STXBP4: variants seen among roughly 807,000 people sequenced by gnomAD.
STXBP4 encodes syntaxin binding protein 4, also known as syntaxin-binding protein 4.
Under a neutral mutation model 76.1 loss-of-function variants are expected in STXBP4, and 55 were observed. The observed-to-expected ratio is 0.72, with a 90% confidence interval of 0.58 to 0.91. The LOEUF (loss-of-function observed/expected upper bound fraction) is 0.91. STXBP4 is among the 40% of genes least tolerant of loss of function. The pLI is 0.00. For missense variants in STXBP4, 618 were observed against 636.9 expected (o/e 0.97, Z 0.32); for synonymous variants, 201 against 220.2 (o/e 0.91, Z 0.77).
chr17:55,093,567 C>T (rs1414231480), intron 16 of STXBP4, among the ~76,000 whole-genome samples: 4 of 152,148 alleles, frequency 2.6e-5, no homozygotes, highest in African/African-American at 4.8e-5. Context: ...AAGGAAATGG[C>T]GAACTCACAT....
intron 12 of STXBP4, 90 bp downstream of exon 12, chr17:55,047,244 A>G (rs759945582): frequency 9.0e-5 from 67 of 742,756 alleles, no homozygotes; most frequent in Non-Finnish European, 1.2e-4. Flanking sequence ...ATTATAAAGC[A>G]GTGGTTCTTT....
intron 10 of STXBP4, among the ~76,000 whole-genome samples, chr17:55,037,717 C>T (rs1055956859): frequency 2.6e-5 from 4 of 152,080 alleles, no homozygotes; most frequent in Admixed American, 2.0e-4. Context: ...ACCATACTCA[C>T]GTATATAACT....
At chr17:55,135,314 A>G (rs1376964065) in intron 16 of STXBP4, among the ~76,000 whole-genome samples, 3 of 152,122 alleles carry the variant, frequency 2.0e-5, no homozygotes, top group Admixed American at 6.6e-5. Flanking sequence ...TTAACTTTTA[A>G]ATTTGGGATG....
intron 10 of STXBP4, 115 bp from the exon 11 acceptor site, chr17:55,043,121 C>G (rs1054394501): frequency 2.5e-5 from 11 of 446,066 alleles, no homozygotes; most frequent in Non-Finnish European, 4.2e-5. Context: ...ACATAAGAAA[C>G]TGAATTTTGT....
chr17:55,121,920 TC>T (rs2079848158), intron 16 of STXBP4, among the ~76,000 whole-genome samples: 1 of 152,084 alleles, frequency 6.6e-6, no homozygotes, highest in Admixed American at 6.5e-5. Context: ...TGTGTAGGGA[TC>T]AGCCACTTAA....
chr17:55,109,624 C>CTTTTT (rs551292679), intron 16 of STXBP4, among the ~76,000 whole-genome samples: 4 of 114,368 alleles, frequency 3.5e-5, no homozygotes, highest in East Asian at 2.5e-4. Context: ...AACTCAATGT[C>CTTTTT]TTTTTTTTTT....
chr17:55,186,653 A>G, the STXBP4 span, among the ~76,000 whole-genome samples: 1 of 152,226 alleles, frequency 6.6e-6, no homozygotes, highest in Non-Finnish European at 1.5e-5. Flanking sequence ...ATAAAATGAC[A>G]AAATCATTTT....
At chr17:55,057,017 C>T (rs2078932875) in intron 12 of STXBP4, among the ~76,000 whole-genome samples, 1 of 152,048 alleles carries the variant, frequency 6.6e-6, no homozygotes, top group African/African-American at 2.4e-5. Context: ...TAGGTAAAGT[C>T]ATTATTTTTT....
rs1415343121 is a variant in STXBP4 at position 55,109,644 on chromosome 17, TTTTA to T, written c.1489+28463_1489+28466del. On this transcript the variant is annotated intron_variant, in intron 16 of 17. Transcript: ENST00000376352. ...AATGTCTTTTTTTTTTTTTTTTTTT[TTTTA>T]TATGGAGTTTCACTCTTGTTGCCCA... Among the ~76,000 whole-genome samples the T allele has an allele frequency of 2.8e-3, 420 of 149,814 alleles. 5 individuals are homozygous for T. The highest frequency in any genetic ancestry group is 0.023 in the East Asian group (116 of 5,126).
intron 16 of STXBP4, among the ~76,000 whole-genome samples, chr17:55,085,305 A>G (rs893586243): frequency 6.6e-6 from 1 of 152,156 alleles, no homozygotes; most frequent in African/African-American, 2.4e-5. Context: ...ACATGTATAC[A>G]TATGTAACTA....
the STXBP4 span, among the ~76,000 whole-genome samples, chr17:55,197,700 A>G: frequency 2.6e-5 from 4 of 151,642 alleles, no homozygotes; most frequent in East Asian, 3.9e-4. Context: ...CCGAGATTGC[A>G]CCACTGCACT....
downstream of STXBP4, among the ~76,000 whole-genome samples, chr17:55,173,856 T>A (rs2080418948): frequency 6.6e-6 from 1 of 152,218 alleles, no homozygotes; most frequent in Admixed American, 6.5e-5. Context: ...TTCTTTCTGG[T>A]GGCCGTCAGA....
rs147690200 is a variant in STXBP4 at position 55,154,044 on chromosome 17, T to G, written c.1548-5753T>G. 2.6e-5 allele frequency among the ~76,000 whole-genome samples: 4 copies of G among 152,260 alleles called. No individual in the cohort carries two copies. The East Asian group carries it at 7.7e-4, about 29-fold the overall frequency. On this transcript the variant is annotated intron_variant, in intron 17 of 17. Transcript: ENST00000376352. ...TATCTGAAATAACAAATCATCTGCT[T>G]TCAGTGACTTCATGCTCACAAATCA...
At chr17:54,994,326 G>A (rs2077764172) in intron 4 of STXBP4, among the ~76,000 whole-genome samples, 1 of 152,052 alleles carries the variant, frequency 6.6e-6, no homozygotes, top group Non-Finnish European at 1.5e-5. Flanking sequence ...CCTCTTAAAG[G>A]TATCTCAAAC....
At chr17:55,020,430 G>A (rs2078289182) in intron 8 of STXBP4, among the ~76,000 whole-genome samples, 1 of 148,478 alleles carries the variant, frequency 6.7e-6, no homozygotes, top group East Asian at 2.0e-4. Flanking sequence ...AGTAGCTGCA[G>A]TCTTTGGCTG....
At chr17:55,176,652 T>TA (rs1470401986), downstream of STXBP4, among the ~76,000 whole-genome samples, 1 of 152,198 alleles carries the variant, frequency 6.6e-6, no homozygotes, top group African/African-American at 2.4e-5. Flanking sequence ...TGTTGAGGGA[T>TA]ACCCAGATAG....
chr17:55,052,733 A>G (rs1360870240), intron 12 of STXBP4, among the ~76,000 whole-genome samples: 1 of 152,064 alleles, frequency 6.6e-6, no homozygotes, highest in Non-Finnish European at 1.5e-5. Context: ...TGATATCACC[A>G]ATGAAGAACA....
intron 10 of STXBP4, among the ~76,000 whole-genome samples, chr17:55,039,675 A>G (rs1396353352): frequency 1.3e-5 from 2 of 152,116 alleles, no homozygotes; most frequent in Non-Finnish European, 2.9e-5. Flanking sequence ...AACAACTACA[A>G]CAAGTATGTC....
the STXBP4 span, among the ~76,000 whole-genome samples, chr17:55,197,483 C>T: frequency 9.9e-5 from 15 of 152,210 alleles, no homozygotes; most frequent in Non-Finnish European, 1.8e-4. Flanking sequence ...GTGGCTCACG[C>T]CTGTAATCCC....
Sources: gnomAD v4.1 joint callset for allele counts (sites outside exome capture counted in the v4.1 genomes callset) on GRCh38, gnomAD v4.1.1 for gene constraint, MANE v1.5 for transcripts, NCBI Gene and HGNC (gene_info 2026-07-23, HGNC 2026-07-21) for gene names.